Variants in TEK observed in about 807,000 individuals in gnomAD.
TEK encodes the protein angiopoietin-1 receptor.
TEK carries 43 observed loss-of-function variants against 131.8 expected under a neutral mutation model. That is an observed-to-expected ratio of 0.33 (90% confidence interval 0.26 to 0.42). The LOEUF is 0.42. Among genes scored for constraint, TEK ranks in the 10% least tolerant of loss-of-function variants. The pLI, the probability that TEK is intolerant of heterozygous loss-of-function variation, is 1.00. For synonymous variants in TEK, 580 were observed against 491.6 expected (o/e 1.18, Z -2.38); for missense variants, 1,162 against 1,384.4 (o/e 0.84, Z 2.55).
At chr9:27,179,694 A>G (rs1304608381) in intron 6 of TEK, among the ~76,000 whole-genome samples, 1 of 152,184 alleles carries the variant, frequency 6.6e-6, no homozygotes, top group Non-Finnish European at 1.5e-5. Context: ...CTTTGAGTCT[A>G]TACTGAGCAT....
chr9:27,169,475 A>G lies in TEK; in HGVS notation c.476-2A>G. The stretch of plus-strand genomic sequence containing the variant: ...CGGTTCTTCACTCTTCCCTCTTACT[A>G]GGTTCCTTCATCCATTCAGTGCCCC... On this transcript the variant is annotated splice_acceptor_variant, in intron 3 of 22. Coordinates refer to ENST00000380036, the MANE Select transcript of TEK (RefSeq NM_000459.5). LOFTEE classifies it high-confidence loss of function. The G allele has an allele frequency of 6.2e-7, 1 of 1,613,898 alleles. No homozygotes were observed. The highest frequency in any genetic ancestry group is 8.5e-7 in the Non-Finnish European group (1 of 1,179,872).
chr9:27,179,411 T>C (rs1164480114), intron 6 of TEK, among the ~76,000 whole-genome samples: 1 of 152,236 alleles, frequency 6.6e-6, no homozygotes, highest in Non-Finnish European at 1.5e-5. Context: ...AAAATTCTTG[T>C]CTATTCCAAC....
At chr9:27,123,561 C>G (rs1821880530) in intron 1 of TEK, among the ~76,000 whole-genome samples, 2 of 152,334 alleles carry the variant, frequency 1.3e-5, no homozygotes, top group South Asian at 4.1e-4. Flanking sequence ...AAAAGATTAT[C>G]TAGCCCAGTG....
chr9:27,196,496 A>C (rs511619), intron 11 of TEK, among the ~76,000 whole-genome samples: 148,971 of 152,300 alleles, frequency 0.98, 72,861 homozygotes, highest in East Asian at 1. Context: ...GCTGTCATTG[A>C]CTCCACCCTT....
intron 1 of TEK, among the ~76,000 whole-genome samples, chr9:27,140,965 T>C (rs1026043900): frequency 2.6e-5 from 4 of 152,062 alleles, no homozygotes; most frequent in African/African-American, 7.2e-5. Flanking sequence ...TTCATTCTTT[T>C]ATTGGTCCTT....
chr9:27,198,597 A>G (rs561578982), intron 12 of TEK, among the ~76,000 whole-genome samples: 1 of 152,350 alleles, frequency 6.6e-6, no homozygotes, highest in Non-Finnish European at 1.5e-5. Flanking sequence ...TAACACAACG[A>G]ACAATCACAT....
intron 12 of TEK, among the ~76,000 whole-genome samples, chr9:27,199,966 C>G (rs1825160650): frequency 6.6e-6 from 1 of 152,014 alleles, no homozygotes; most frequent in Non-Finnish European, 1.5e-5. Flanking sequence ...CTGTGTTTTT[C>G]CTAGTAGTTC....
rs757379347 is a variant in TEK at position 27,228,231 on chromosome 9, C to T, written c.3226C>T (p.Arg1076Trp). ...EVYDLMRQCW[R>W]EKPYERPSFA... is the part of the protein sequence containing the mutation. ...GTATGATCTAATGAGACAATGCTGG[C>T]GGGAGAAGCCTTATGAGAGGCCATC... The change falls in exon 22 of 23, where the codon CGG (arginine) becomes TGG (tryptophan). Residue 1076 changes from arginine (R) to tryptophan (W), a missense_variant. This residue lies in a region of TEK where 84 missense variants were observed against 80.3 expected (regional missense o/e 1.05). Transcript: ENST00000380036. 48 of 1,612,642 alleles carry T rather than the reference C, an allele frequency of 3.0e-5. No individual in the cohort carries two copies. Among genetic ancestry groups the T allele is most frequent in the African/African-American group, 2.1e-4 (16 of 74,816 alleles).
At chr9:27,147,774 T>C (rs1210401379) in intron 1 of TEK, among the ~76,000 whole-genome samples, 1 of 152,204 alleles carries the variant, frequency 6.6e-6, no homozygotes, top group African/African-American at 2.4e-5. Context: ...GGTTTTAGGT[T>C]AGGGCTCTTT....
intron 1 of TEK, among the ~76,000 whole-genome samples, chr9:27,114,955 A>G (rs946853413): frequency 1.3e-5 from 2 of 152,220 alleles, no homozygotes; most frequent in Non-Finnish European, 2.9e-5. Flanking sequence ...AGACTTATTG[A>G]GGGTTTCCTT....
intron 1 of TEK, among the ~76,000 whole-genome samples, chr9:27,115,014 A>T (rs1821494545): frequency 6.6e-6 from 1 of 152,192 alleles, no homozygotes; most frequent in African/African-American, 2.4e-5. Flanking sequence ...AGGATAAATA[A>T]TTTTTTCCCT....
chr9:27,224,094 A>G (rs1826205064), intron 21 of TEK, among the ~76,000 whole-genome samples: 1 of 152,200 alleles, frequency 6.6e-6, no homozygotes, highest in African/African-American at 2.4e-5. Context: ...GACCAGTAAC[A>G]AGTTCTGAAA....
chr9:27,158,133 C>A lies in TEK; in HGVS notation c.355C>A (p.Arg119Ser), dbSNP rs772321726. 6.2e-7 allele frequency: 1 copy of A among 1,613,950 alleles called. No individual in the cohort carries two copies. Among genetic ancestry groups the A allele is most frequent in the African/African-American group, 1.3e-5 (1 of 74,922 alleles). The change falls in exon 2 of 23, where the codon CGT (arginine) becomes AGT (serine). Residue 119 changes from arginine to serine, a missense_variant. Physicochemically the swap from Arg to Ser is moderately radical, Grantham distance 110. Transcript: ENST00000380036. ...AATCAGGATACGAACCATGAAGATG[C>A]GTCAACAAGGTAACATGCCCCTAAG... ...EAIRIRTMKM[R>S]QQASFLPATL... is the part of the protein sequence containing the mutation.
At chr9:27,204,647 A>G (rs1013399051) in intron 13 of TEK, among the ~76,000 whole-genome samples, 1 of 151,766 alleles carries the variant, frequency 6.6e-6, no homozygotes, top group East Asian at 1.9e-4. Flanking sequence ...TGAACAAATG[A>G]CAACTAATGA....
intron 1 of TEK, among the ~76,000 whole-genome samples, chr9:27,110,855 TTAAA>T (rs1225667430): frequency 9.2e-5 from 14 of 152,208 alleles, no homozygotes; most frequent in African/African-American, 3.1e-4. Context: ...TGGAAATTGT[TTAAA>T]TAATGTTGAC....
chr9:27,218,181 G>A (rs1264318284), intron 19 of TEK, among the ~76,000 whole-genome samples: 1 of 151,448 alleles, frequency 6.6e-6, no homozygotes, highest in Non-Finnish European at 1.5e-5. Flanking sequence ...AGAGGCTGGC[G>A]GTGAAAGGAA....
At chr9:27,135,335 C>T (rs1457099167) in intron 1 of TEK, among the ~76,000 whole-genome samples, 7 of 151,846 alleles carry the variant, frequency 4.6e-5, no homozygotes, top group Non-Finnish European at 1.0e-4. Context: ...AAAAATGCCA[C>T]CACAAACATT....
rs969122253 is a variant in TEK at position 27,165,173 on chromosome 9, G to C, written c.365-3322G>C. Among the ~76,000 whole-genome samples the C allele has an allele frequency of 2.6e-5, 4 of 152,174 alleles. No individual in the cohort carries two copies. In the South Asian group the frequency reaches 8.3e-4, roughly 31 times the overall value. ...ATAAAGAGCCACAGAGTGGTGGGGG[G>C]AAAGCTACTTGGAATTGAGCCTACT... On this transcript the variant is annotated intron_variant, in intron 2 of 22. Coordinates refer to ENST00000380036, the MANE Select transcript of TEK (RefSeq NM_000459.5).
intron 2 of TEK, among the ~76,000 whole-genome samples, chr9:27,168,153 C>T (rs563957640): frequency 1.3e-5 from 2 of 152,122 alleles, no homozygotes; most frequent in Non-Finnish European, 2.9e-5. Flanking sequence ...ATCTGAAACA[C>T]TTCTGGTCCT....
Sources: allele counts gnomAD v4.1 joint callset (sites outside exome capture counted in the v4.1 genomes callset), GRCh38; gene constraint gnomAD v4.1.1; regional missense constraint gnomAD v4.1.1; transcripts MANE v1.5; gene names NCBI Gene and HGNC (gene_info 2026-07-23, HGNC 2026-07-21).